The following BCAP29 variants were observed in gnomAD, a reference collection of about 807,000 sequenced individuals.
BCAP29 encodes B-cell receptor-associated protein 29.
A neutral mutation model predicts 31.8 loss-of-function variants in BCAP29; 34 were observed. The ratio of observed to expected loss-of-function variants is 1.07; its 90% CI spans 0.81 to 1.42. The LOEUF (loss-of-function observed/expected upper bound fraction) is 1.42, where lower values mean the gene tolerates loss of function less well. Among genes scored for constraint, BCAP29 ranks in the 40% most tolerant of loss-of-function variants. The probability of loss-of-function intolerance (pLI) is 0.00; values close to 1 mark genes in which losing one functional copy is unlikely to be tolerated. For missense variants in BCAP29, 314 were observed against 269.2 expected (o/e 1.17, Z -1.16); for synonymous variants, 104 against 91.3 (o/e 1.14, Z -0.79).
intron 3 of BCAP29, among the ~76,000 whole-genome samples, chr7:107,591,614 C>T (rs968784539): frequency 2.9e-4 from 10 of 34,304 alleles, no homozygotes; most frequent in African/African-American, 1.9e-3. Flanking sequence ...CTGTCTGCCC[C>T]CTGTACCACT....
At chr7:107,604,821 A>C (rs1219687804) in intron 6 of BCAP29, among the ~76,000 whole-genome samples, 4 of 151,728 alleles carry the variant, frequency 2.6e-5, no homozygotes, top group Non-Finnish European at 4.4e-5. Context: ...ACTGAAAAAA[A>C]AAACTGCATT....
chr7:107,599,049 TA>T (rs1446553987), intron 5 of BCAP29, among the ~76,000 whole-genome samples: 2 of 136,120 alleles, frequency 1.5e-5, no homozygotes, highest in South Asian at 4.3e-4. Flanking sequence ...TGTATATATA[TA>T]AAATATATTT....
At chr7:107,606,136 T>G (rs1049335777) in intron 6 of BCAP29, among the ~76,000 whole-genome samples, 4 of 152,246 alleles carry the variant, frequency 2.6e-5, no homozygotes, top group Non-Finnish European at 5.9e-5. Context: ...TTTACTTTGT[T>G]GGTAGACCCT....
At chr7:107,585,213 C>T (rs144354615) in intron 3 of BCAP29, among the ~76,000 whole-genome samples, 29 of 152,270 alleles carry the variant, frequency 1.9e-4, no homozygotes, top group East Asian at 7.7e-4. Context: ...GGACCCTAAC[C>T]GCCATCTTTG....
At chr7:107,608,239 T>G (rs911808767) in intron 6 of BCAP29, among the ~76,000 whole-genome samples, 2 of 152,114 alleles carry the variant, frequency 1.3e-5, no homozygotes, top group Non-Finnish European at 2.9e-5. Flanking sequence ...ACGCTCAACC[T>G]CCTTGAAAGC....
rs1810162196 is a variant in BCAP29, at chr7:107,597,958, A to G, written c.480+1956A>G. 2.0e-5 allele frequency among the ~76,000 whole-genome samples: 3 copies of G among 152,182 alleles called. No homozygotes were observed. The South Asian group carries it at 6.2e-4, about 31-fold the overall frequency. ...CCACGTAACTTAACCAAGGTGGGAT[A>G]ATTTGGATTAGACAGTGAACGCTTG... On this transcript the variant is annotated intron_variant, in intron 5 of 7. Coordinates refer to ENST00000005259, the MANE Select transcript of BCAP29 (RefSeq NM_018844.4).
At chr7:107,580,892 T>C in intron 2 of BCAP29, 28 bp downstream of exon 2, 2 of 1,500,300 alleles carry the variant, frequency 1.3e-6, no homozygotes, top group South Asian at 2.4e-5. Flanking sequence ...CGTTAACTAA[T>C]AAATATTGGA....
chr7:107,608,106 C>T (rs1812445542), intron 6 of BCAP29, among the ~76,000 whole-genome samples: 1 of 151,744 alleles, frequency 6.6e-6, no homozygotes, highest in Admixed American at 6.6e-5. Flanking sequence ...TGTAAAGTTC[C>T]TCTTTTCCCT....
chr7:107,590,861 C>T (rs1212631950), intron 3 of BCAP29, among the ~76,000 whole-genome samples: 1 of 146,902 alleles, frequency 6.8e-6, no homozygotes, highest in Non-Finnish European at 1.5e-5. Context: ...AAGAAATAAT[C>T]CTAAAGTATC....
downstream of BCAP29, chr7:107,622,181 T>G (rs375227036): frequency 3.3e-5 from 9 of 274,316 alleles, no homozygotes; most frequent in East Asian, 7.2e-4. Flanking sequence ...TCTCTAATGC[T>G]TCTCTCATAT....
chr7:107,608,290 G>A (rs991805296), intron 6 of BCAP29, among the ~76,000 whole-genome samples: 2 of 151,834 alleles, frequency 1.3e-5, no homozygotes, highest in African/African-American at 4.8e-5. Context: ...ACACAGATTT[G>A]TCTGTTGTCT....
At chr7:107,580,638 C>T in intron 1 of BCAP29, 121 bp from the exon 2 acceptor site, 1 of 670,094 alleles carries the variant, frequency 1.5e-6, no homozygotes, top group Non-Finnish European at 2.5e-6. Flanking sequence ...CCGTGCTTGC[C>T]TTCCCAGGTG....
intron 4 of BCAP29, among the ~76,000 whole-genome samples, chr7:107,594,606 A>G (rs1446623614): frequency 6.6e-6 from 1 of 152,014 alleles, no homozygotes; most frequent in Non-Finnish European, 1.5e-5. Context: ...GGTTCACACC[A>G]TTCTCCTGCC....
intron 7 of BCAP29, among the ~76,000 whole-genome samples, chr7:107,614,828 AC>A (rs1813825640): frequency 6.6e-6 from 1 of 152,090 alleles, no homozygotes; most frequent in Non-Finnish European, 1.5e-5. Context: ...CAGCAAGACC[AC>A]CCCTTCCCCG....
intron 3 of BCAP29, among the ~76,000 whole-genome samples, chr7:107,591,909 C>G (rs1296117459): frequency 6.6e-6 from 1 of 151,942 alleles, no homozygotes; most frequent in Non-Finnish European, 1.5e-5. Flanking sequence ...GGACTACACT[C>G]AGACAAATTC....
Position 107,618,727 on chromosome 7 carries a change from A to C in BCAP29, c.*364A>C, listed in dbSNP as rs1814623460. On this transcript the variant is annotated 3_prime_UTR_variant, in exon 8 of 8. Coordinates refer to ENST00000005259, the MANE Select transcript of BCAP29 (RefSeq NM_018844.4). ...ATTAATAGCCTTGAAAGCTTTGATAAGTTTTCAGTAATAATAACCTATTTA... is the reference window on the plus strand; with the variant it reads ...ATTAATAGCCTTGAAAGCTTTGATACGTTTTCAGTAATAATAACCTATTTA... 5.5e-6 allele frequency: 4 copies of C among 727,820 alleles called. No homozygotes were observed. Among genetic ancestry groups the C allele is most frequent in the Non-Finnish European group, 8.7e-6 (4 of 458,990 alleles). The allele number at this position is 727,820 out of a possible 1,614,324, so 45.1% of individuals were successfully genotyped here. A position where few individuals can be genotyped will look rare whatever the true frequency, so the allele number is the denominator to read the frequency against.
intron 1 of BCAP29, chr7:107,580,509 C>T: frequency 2.5e-6 from 1 of 406,318 alleles, no homozygotes; most frequent in Admixed American, 4.9e-5. Flanking sequence ...GGGCTTCTGT[C>T]GCCGCGAAGC....
At chr7:107,593,777 A>G (rs1383466638) in intron 3 of BCAP29, among the ~76,000 whole-genome samples, 178 bp from the exon 4 acceptor site, 1 of 152,220 alleles carries the variant, frequency 6.6e-6, no homozygotes, top group African/African-American at 2.4e-5. Context: ...CCATTTATAG[A>G]GCACCTACTT....
chr7:107,607,643 T>C (rs910952131), intron 6 of BCAP29, among the ~76,000 whole-genome samples: 4 of 150,170 alleles, frequency 2.7e-5, no homozygotes, highest in Admixed American at 6.6e-5. Flanking sequence ...TTCTTTTTTT[T>C]TTTTTTTTTC....
Sources: gnomAD v4.1 joint callset for allele counts (sites outside exome capture counted in the v4.1 genomes callset) on GRCh38, gnomAD v4.1.1 for gene constraint, MANE v1.5 for transcripts, NCBI Gene and HGNC (gene_info 2026-07-23, HGNC 2026-07-21) for gene names.